ZMAT3: variants seen among roughly 807,000 people sequenced by gnomAD.
ZMAT3 encodes zinc finger matrin-type protein 3.
In ZMAT3, 17 loss-of-function variants were observed where a neutral mutation model predicts 32.3. That is an observed-to-expected ratio of 0.53 (90% CI 0.36 to 0.79). The LOEUF is 0.79. Among genes scored for constraint, ZMAT3 ranks in the 30% least tolerant of loss-of-function variants. The probability of loss-of-function intolerance (pLI) is 0.00; values close to 1 mark genes in which losing one functional copy is unlikely to be tolerated. For missense variants in ZMAT3, 329 were observed against 359.7 expected (o/e 0.91, Z 0.69); for synonymous variants, 120 against 133.1 (o/e 0.90, Z 0.68).
At chr3:179,033,541 A>T (rs1719415032) in intron 2 of ZMAT3, among the ~76,000 whole-genome samples, 1 of 101,074 alleles carries the variant, frequency 9.9e-6, no homozygotes. Context: ...AAAAGAAAAG[A>T]ATATGGGATT....
intron 2 of ZMAT3, among the ~76,000 whole-genome samples, chr3:179,036,252 A>G (rs1719582295): frequency 6.6e-6 from 1 of 152,228 alleles, no homozygotes; most frequent in Non-Finnish European, 1.5e-5. Flanking sequence ...TCTAGTAGAG[A>G]ATGAAGATCC....
At chr3:179,067,918 A>G (rs1414286422) in intron 1 of ZMAT3, 109 bp from the exon 2 acceptor site, 1 of 1,088,568 alleles carries the variant, frequency 9.2e-7, no homozygotes, top group Non-Finnish European at 1.3e-6. Context: ...ACTTCTCCAA[A>G]CCCATCTTTG....
rs1229273252 is a variant in ZMAT3, at chr3:179,018,228, A to G, written c.*6789T>C. 1 of 152,142 alleles carries G rather than the reference A, an allele frequency of 6.6e-6. No individual in the cohort carries two copies. The highest frequency in any genetic ancestry group is 1.5e-5 in the Non-Finnish European group (1 of 68,028). 9.4% of individuals were successfully genotyped at this position (152,142 alleles called of 1,614,324 possible). A position where few individuals can be genotyped will look rare whatever the true frequency, so the allele number is the denominator to read the frequency against. On this transcript the variant is annotated 3_prime_UTR_variant, in exon 6 of 6. Coordinates refer to ENST00000311417, the MANE Select transcript of ZMAT3 (RefSeq NM_022470.4). The stretch of plus-strand genomic sequence containing the variant: ...GTAGAGAATACACAAATAATAATAA[A>G]TGATATAGAACATTTATTATTTTCA...
In ZMAT3 at chr3:179,027,828, CAAG is replaced by C. The variant is rs769351054; in HGVS notation, c.391-19_391-17del. 3.1e-5 allele frequency: 49 copies of C among 1,581,866 alleles called. No individual in the cohort carries two copies. The highest frequency in any genetic ancestry group is 3.7e-5 in the Non-Finnish European group (43 of 1,168,616). The stretch of plus-strand genomic sequence containing the variant: ...AGGAGCCCATCTGACATCAAAGACA[CAAG>C]AAGAAACAAAGTTAAAAAAAATACA... On this transcript the variant is annotated splice_polypyrimidine_tract_variant and intron_variant, in intron 3 of 5. Coordinates refer to ENST00000311417, the MANE Select transcript of ZMAT3 (RefSeq NM_022470.4).
intron 2 of ZMAT3, among the ~76,000 whole-genome samples, chr3:179,039,571 T>C (rs1456540435): frequency 2.0e-5 from 3 of 152,190 alleles, no homozygotes; most frequent in Non-Finnish European, 4.4e-5. Flanking sequence ...AAACCCCATC[T>C]GTAGGTCACC....
At chr3:179,038,738 G>A (rs953226921) in intron 2 of ZMAT3, among the ~76,000 whole-genome samples, 4 of 152,204 alleles carry the variant, frequency 2.6e-5, no homozygotes, top group Admixed American at 1.3e-4. Flanking sequence ...CACAGAGGAC[G>A]AACTGAAGCA....
chr3:179,038,866 G>A (rs1035772968), intron 2 of ZMAT3, among the ~76,000 whole-genome samples: 11 of 152,218 alleles, frequency 7.2e-5, no homozygotes, highest in African/African-American at 1.9e-4. Flanking sequence ...CAAATACTGC[G>A]CTTTTCCCAA....
chr3:179,024,874 A>T lies in ZMAT3; in HGVS notation c.*143T>A. On this transcript the variant is annotated 3_prime_UTR_variant, in exon 6 of 6. Coordinates refer to ENST00000311417, the MANE Select transcript of ZMAT3 (RefSeq NM_022470.4). ...CCCGCCCCCGGGCCCCCAGGTTTTGACATCTCATGGTACCACTGTGGGTTA... is the reference window on the plus strand; with the variant it reads ...CCCGCCCCCGGGCCCCCAGGTTTTGTCATCTCATGGTACCACTGTGGGTTA... The T allele has an allele frequency of 1.1e-4, 61 of 543,316 alleles. No individual in the cohort carries two copies. The highest frequency in any genetic ancestry group is 5.9e-4 in the Middle Eastern group (1 of 1,694). 33.7% of individuals were successfully genotyped at this position (543,316 alleles called of 1,614,324 possible).
intron 5 of ZMAT3, among the ~76,000 whole-genome samples, chr3:179,025,682 G>A (rs1389852636): frequency 1.3e-5 from 2 of 152,100 alleles, no homozygotes; most frequent in East Asian, 1.9e-4. Flanking sequence ...AATTTAGGGG[G>A]AAGAAGAGAT....
rs187774144 is a variant in ZMAT3, at chr3:179,028,461, A to G, written c.391-649T>C. Among the ~76,000 whole-genome samples the G allele has an allele frequency of 1.6e-3, 240 of 152,354 alleles. 3 individuals carry two copies. Among genetic ancestry groups the G allele is most frequent in the African/African-American group, 5.6e-3 (231 of 41,584 alleles). On this transcript the variant is annotated intron_variant, in intron 3 of 5. Transcript: ENST00000311417. ...ACTAGGTTTTGGCCAGAAGAGAATA[A>G]TATAGTACATGATAAAGATTCTGGA...
intron 2 of ZMAT3, among the ~76,000 whole-genome samples, chr3:179,035,333 C>T (rs2108548299): frequency 6.6e-6 from 1 of 152,316 alleles, no homozygotes; most frequent in South Asian, 2.1e-4. Flanking sequence ...CACTAGGCTG[C>T]ATGTGCTCCT....
chr3:179,070,506 C>CA (rs1721655400), intron 1 of ZMAT3, among the ~76,000 whole-genome samples: 1 of 152,104 alleles, frequency 6.6e-6, no homozygotes, highest in Admixed American at 6.5e-5. Context: ...ACAATTGCAT[C>CA]AAATATTAGT....
chr3:179,067,390 A>T, intron 2 of ZMAT3, 93 bp downstream of exon 2: 2 of 1,344,030 alleles, frequency 1.5e-6, no homozygotes, highest in Non-Finnish European at 2.1e-6. Flanking sequence ...TTGGTATTCC[A>T]GGCACAGTCA....
Position 179,027,439 on chromosome 3 carries a change from T to C in ZMAT3, c.642A>G (p.Thr214=), listed in dbSNP as rs549100426. 3 of 1,614,198 alleles carry C rather than the reference T, an allele frequency of 1.9e-6. No homozygotes were observed. Among genetic ancestry groups the C allele is most frequent in the East Asian group, 4.5e-5 (2 of 44,880 alleles). ...ACAAGATACCTGAATTATTCTGTAC[T>C]GTATACATATTTCTCCTGTTAGGCA... ...KMMPNRRNMY[T]VQNNSAGPYF... Residue 214 remains threonine (T), a synonymous_variant, in exon 5 of 6, where the codon ACA becomes ACG. Coordinates refer to ENST00000311417, the MANE Select transcript of ZMAT3 (RefSeq NM_022470.4).
intron 2 of ZMAT3, among the ~76,000 whole-genome samples, chr3:179,051,973 G>A (rs1007290519): frequency 3.3e-5 from 5 of 152,162 alleles, no homozygotes; most frequent in East Asian, 3.9e-4. Context: ...TTGGCAAGTC[G>A]CACGTAGAAT....
intron 5 of ZMAT3, 49 bp downstream of exon 5, chr3:179,027,374 G>C (rs771199259): frequency 4.2e-5 from 63 of 1,486,480 alleles, no homozygotes; most frequent in Non-Finnish European, 5.6e-5. Flanking sequence ...AAAAACAAAG[G>C]AGACTAGGTA....
In ZMAT3 at chr3:179,041,144, C is replaced by T. The variant is rs550878316; in HGVS notation, c.271-10145G>A. On this transcript the variant is annotated intron_variant, in intron 2 of 5. Coordinates refer to ENST00000311417, the MANE Select transcript of ZMAT3 (RefSeq NM_022470.4). ...ACACAATAATAATAGGAGACTTTAA[C>T]ATCCCACTGTCAATATTAGACAGAT... Among the ~76,000 whole-genome samples the T allele has an allele frequency of 1.1e-4, 17 of 152,264 alleles. No homozygotes were observed. In the South Asian group the frequency reaches 3.5e-3, roughly 32 times the overall value.
In ZMAT3 at chr3:179,027,604, C is replaced by G. The variant is rs772998179; in HGVS notation, c.557+42G>C. The G allele has an allele frequency of 1.1e-5, 17 of 1,613,698 alleles. No homozygotes were observed. The Admixed American group carries it at 1.3e-4, about 13-fold the overall frequency. On this transcript the variant is annotated intron_variant, in intron 4 of 5. Transcript: ENST00000311417. ...CTCTTTTTCTTTAAAGACAGTCAAT[C>G]TCACATAACACTTTGGCCTCAGAGA...
rs1251590312 is a variant in ZMAT3, at chr3:179,019,667, G to A, written c.*5350C>T. On this transcript the variant is annotated 3_prime_UTR_variant, in exon 6 of 6. Transcript: ENST00000311417. ...GCGTTTCTAAGATTCTAAGTAGTCA[G>A]GCAATTTAGAATTTTAAATTAATTA... is the stretch of plus-strand genomic sequence containing the variant. 1 of 152,054 alleles carries A rather than the reference G, an allele frequency of 6.6e-6. No individual in the cohort carries two copies. Among genetic ancestry groups the A allele is most frequent in the Non-Finnish European group, 1.5e-5 (1 of 67,992 alleles). 9.4% of individuals were successfully genotyped at this position (152,054 alleles called of 1,614,324 possible).
Sources: gnomAD v4.1 joint callset for allele counts (sites outside exome capture counted in the v4.1 genomes callset) on GRCh38, gnomAD v4.1.1 for gene constraint, MANE v1.5 for transcripts, NCBI Gene and HGNC (gene_info 2026-07-23, HGNC 2026-07-21) for gene names.